Variants in USH2A observed in about 807,000 individuals in gnomAD.
The protein encoded by USH2A is Usher syndrome 2A (autosomal recessive, mild).
A neutral mutation model predicts 538.9 loss-of-function variants in USH2A; 443 were observed. The observed-to-expected ratio is 0.82, with a 90% CI of 0.76 to 0.89. The LOEUF is 0.89. Ranked by LOEUF, USH2A falls within the 40% of genes least tolerant of loss-of-function variation. The pLI, the probability that USH2A is intolerant of heterozygous loss-of-function variation, is 0.00. For synonymous variants in USH2A, 2,413 were observed against 2,273.5 expected, an observed-to-expected ratio of 1.06 and a Z score of -1.75; for missense variants, 6,633 against 6,324.8, an observed-to-expected ratio of 1.05 and a Z score of -1.65.
chr1:216,135,144 T>G (rs1237994238), intron 21 of USH2A, among the ~76,000 whole-genome samples: 6 of 136,286 alleles, frequency 4.4e-5, no homozygotes, highest in Admixed American at 7.1e-5. Context: ...ACTCTCTCTC[T>G]CTCTCTCTCT....
chr1:216,072,761 C>A, intron 29 of USH2A, 128 bp downstream of exon 29: 1 of 901,064 alleles, frequency 1.1e-6, no homozygotes, highest in East Asian at 2.4e-5. Context: ...ATTTTCAAAC[C>A]AAGGCATGCT....
intron 20 of USH2A, among the ~76,000 whole-genome samples, chr1:216,184,744 G>T (rs1169675163): frequency 1.3e-5 from 2 of 151,918 alleles, no homozygotes; most frequent in Non-Finnish European, 2.9e-5. Context: ...CATATTAAGA[G>T]TGCTTGTTTA....
At chr1:216,082,587 T>C (rs538877959) in intron 26 of USH2A, among the ~76,000 whole-genome samples, 13 of 152,272 alleles carry the variant, frequency 8.5e-5, no homozygotes, top group African/African-American at 2.9e-4. Flanking sequence ...GTTTCTATGC[T>C]AGTTCTTTAA....
intron 34 of USH2A, among the ~76,000 whole-genome samples, chr1:215,997,635 C>A (rs1668171280): frequency 6.6e-6 from 1 of 151,910 alleles, no homozygotes; most frequent in Non-Finnish European, 1.5e-5. Context: ...CTAAAAACGG[C>A]CCTAGGAAGA....
At chr1:216,337,917 C>A (rs191539707) in intron 4 of USH2A, among the ~76,000 whole-genome samples, 1 of 150,824 alleles carries the variant, frequency 6.6e-6, no homozygotes, top group Non-Finnish European at 1.5e-5. Context: ...ACAATAGCAC[C>A]AAAACCTTGA....
intron 21 of USH2A, among the ~76,000 whole-genome samples, chr1:216,141,470 C>A (rs1220354645): frequency 1.3e-5 from 2 of 152,198 alleles, no homozygotes; most frequent in African/African-American, 4.8e-5. Flanking sequence ...ATTTAGGCTG[C>A]CTCCTGGATT....
chr1:216,284,204 C>A (rs2036838783), intron 11 of USH2A, among the ~76,000 whole-genome samples: 1 of 151,922 alleles, frequency 6.6e-6, no homozygotes, highest in African/African-American at 2.4e-5. Flanking sequence ...TTTACTGGAG[C>A]AATATGTGTT....
At chr1:216,155,154 G>A (rs925938867) in intron 21 of USH2A, among the ~76,000 whole-genome samples, 4 of 152,080 alleles carry the variant, frequency 2.6e-5, no homozygotes, top group South Asian at 2.1e-4. Context: ...GAGAAATTTA[G>A]TTCATAGTTT....
intron 3 of USH2A, among the ~76,000 whole-genome samples, chr1:216,374,059 C>T (rs562866111): frequency 5.3e-5 from 7 of 132,800 alleles, no homozygotes; most frequent in African/African-American, 1.8e-4. Context: ...ACAATGAGAA[C>T]GCATGGACAC....
chr1:216,041,097 T>C (rs2030255083), intron 32 of USH2A, among the ~76,000 whole-genome samples: 1 of 152,040 alleles, frequency 6.6e-6, no homozygotes, highest in Admixed American at 6.6e-5. Flanking sequence ...CACGTATTTA[T>C]CCAGAATACA....
chr1:216,102,515 G>C (rs1435232488), intron 21 of USH2A, among the ~76,000 whole-genome samples: 1 of 152,036 alleles, frequency 6.6e-6, no homozygotes, highest in African/African-American at 2.4e-5. Context: ...AGTTATACTT[G>C]TGGGCCGGGC....
rs2102763574 is a variant in USH2A at position 215,782,865 on chromosome 1, G to A, written c.10458C>T (p.Leu3486=). 6.2e-7 allele frequency: 1 copy of A among 1,613,874 alleles called. No homozygotes were observed. The highest frequency in any genetic ancestry group is 8.5e-7 in the Non-Finnish European group (1 of 1,179,904). The change falls in exon 53 of 72, where the codon CTC becomes CTT. Residue 3486 remains leucine (L), a synonymous_variant. Coordinates refer to ENST00000307340, the MANE Select transcript of USH2A (RefSeq NM_206933.4). ...ISAWNSYGRG[L]SKAVRARTKE... is the part of the protein sequence containing the mutation. Reference sequence around the variant, plus strand: ...TTGTTCTGGCTCTCACAGCTTTGCTGAGTCCTCGCCCATAGCTGTTCCAGG... The same window carrying A: ...TTGTTCTGGCTCTCACAGCTTTGCTAAGTCCTCGCCCATAGCTGTTCCAGG...
intron 71 of USH2A, 22 bp from the exon 72 acceptor site, chr1:215,625,892 A>G (rs1558253797): frequency 6.3e-7 from 1 of 1,599,060 alleles, no homozygotes. Flanking sequence ...GCCAATCATC[A>G]TTGGCTACAT....
chr1:215,753,375 G>A (rs1169877179), intron 58 of USH2A, among the ~76,000 whole-genome samples: 4 of 151,868 alleles, frequency 2.6e-5, no homozygotes, highest in East Asian at 3.9e-4. Context: ...TGTTTATTGC[G>A]GCACTATTCA....
intron 9 of USH2A, among the ~76,000 whole-genome samples, chr1:216,308,672 GA>G: frequency 1.3e-5 from 2 of 152,226 alleles, no homozygotes; most frequent in Middle Eastern, 6.8e-3. Flanking sequence ...CTTCTATGCT[GA>G]TGGTAGAACT....
intron 26 of USH2A, among the ~76,000 whole-genome samples, chr1:216,078,896 T>C (rs1053745465): frequency 6.6e-6 from 1 of 152,136 alleles, no homozygotes; most frequent in Admixed American, 6.6e-5. Context: ...TATTTCGGTT[T>C]TATTCTAAAT....
intron 71 of USH2A, among the ~76,000 whole-genome samples, 189 bp downstream of exon 71, chr1:215,628,625 C>T (rs113352367): frequency 2.0e-5 from 3 of 152,184 alleles, no homozygotes; most frequent in African/African-American, 7.2e-5. Context: ...ACCAGAAGAA[C>T]AAGACAAAGT....
chr1:216,398,996 G>A (rs1415917231), intron 3 of USH2A, among the ~76,000 whole-genome samples: 1 of 152,154 alleles, frequency 6.6e-6, no homozygotes, highest in East Asian at 1.9e-4. Flanking sequence ...AAAGGAGTCA[G>A]CCATGCTCCA....
At chr1:216,273,043 G>T (rs1019438274) in intron 11 of USH2A, among the ~76,000 whole-genome samples, 2 of 152,008 alleles carry the variant, frequency 1.3e-5, no homozygotes, top group African/African-American at 2.4e-5. Flanking sequence ...TGATTATAAT[G>T]AAACTAGGTG....
Sources: gnomAD v4.1 joint callset for allele counts (sites outside exome capture counted in the v4.1 genomes callset) on GRCh38, gnomAD v4.1.1 for gene constraint, MANE v1.5 for transcripts, NCBI Gene and HGNC (gene_info 2026-07-23, HGNC 2026-07-21) for gene names.